The following PRKD1 variants were observed in gnomAD, a reference collection of about 807,000 sequenced individuals.
The protein encoded by PRKD1 is protein kinase D1, also known as serine/threonine-protein kinase D1.
PRKD1 carries 63 observed loss-of-function variants against 95.9 expected under a neutral mutation model. The observed-to-expected ratio is 0.66, with a 90% CI of 0.54 to 0.81. PRKD1 has a LOEUF of 0.81. PRKD1 is among the 30% of genes least tolerant of loss of function. The pLI is 0.00. For synonymous variants in PRKD1, 425 were observed against 423.1 expected, an observed-to-expected ratio of 1.00 and a Z score of -0.05; for missense variants, 1,048 against 1,165.3, an observed-to-expected ratio of 0.90 and a Z score of 1.47.
intron 1 of PRKD1, among the ~76,000 whole-genome samples, chr14:29,859,251 C>A (rs1320854281): frequency 6.6e-6 from 1 of 152,044 alleles, no homozygotes; most frequent in Non-Finnish European, 1.5e-5. Context: ...GCGGGTGGAT[C>A]ACGAGGTCAG....
chr14:29,795,050 G>A lies in PRKD1; in HGVS notation c.265-69376C>T, dbSNP rs188359853. On this transcript the variant is annotated intron_variant, in intron 1 of 17. Coordinates refer to ENST00000331968, the MANE Select transcript of PRKD1 (RefSeq NM_002742.3). ...ATTTTTCCTTTCAAAATTACTTTTC[G>A]TGTTTTCATTTATACCAGCATTTGT... is the stretch of plus-strand genomic sequence containing the variant. Among the ~76,000 whole-genome samples, 57 of 151,882 alleles carry A rather than the reference G, an allele frequency of 3.8e-4. 1 individual carries two copies. Among genetic ancestry groups the A allele is most frequent in the Middle Eastern group, 6.8e-3 (2 of 294 alleles).
At chr14:29,924,574 C>T (rs1032689821) in intron 1 of PRKD1, among the ~76,000 whole-genome samples, 5 of 152,296 alleles carry the variant, frequency 3.3e-5, no homozygotes, top group East Asian at 1.9e-4. Context: ...AACTTCTTAA[C>T]ACATTTAAAA....
chr14:29,633,929 G>A (rs1220949832), intron 8 of PRKD1, among the ~76,000 whole-genome samples: 3 of 152,154 alleles, frequency 2.0e-5, no homozygotes, highest in East Asian at 3.8e-4. Flanking sequence ...TCTCTCTTAC[G>A]TACGTACACA....
At chr14:29,737,254 G>A (rs1239846250) in intron 1 of PRKD1, among the ~76,000 whole-genome samples, 6 of 146,272 alleles carry the variant, frequency 4.1e-5, no homozygotes, top group East Asian at 2.0e-4. Context: ...CCCGGGAAGC[G>A]GAGCTTGCAG....
chr14:29,909,295 C>T (rs1566666602), intron 1 of PRKD1, among the ~76,000 whole-genome samples: 3 of 148,822 alleles, frequency 2.0e-5, no homozygotes, highest in South Asian at 2.2e-4. Context: ...CAACCCCCCC[C>T]GCCCCCCATG....
At chr14:29,781,933 G>C (rs1182644953) in intron 1 of PRKD1, among the ~76,000 whole-genome samples, 1 of 152,176 alleles carries the variant, frequency 6.6e-6, no homozygotes, top group African/African-American at 2.4e-5. Flanking sequence ...CTTCTAAAAA[G>C]TAGCAGTTTT....
At chr14:29,818,665 G>A (rs1260539744) in intron 1 of PRKD1, among the ~76,000 whole-genome samples, 1 of 147,850 alleles carries the variant, frequency 6.8e-6, no homozygotes, top group Non-Finnish European at 1.5e-5. Context: ...CAACTATTTT[G>A]TTTGGTTTCA....
At chr14:29,749,338 A>T (rs1479185514) in intron 1 of PRKD1, among the ~76,000 whole-genome samples, 3 of 152,308 alleles carry the variant, frequency 2.0e-5, no homozygotes, top group African/African-American at 7.2e-5. Flanking sequence ...TGTTACAGAG[A>T]CAGGCAAGAA....
At chr14:29,676,192 T>TTTTTTTTTTTTTGTTTTTTTTTTG (rs1566532348) in intron 2 of PRKD1, among the ~76,000 whole-genome samples, 2 of 128,526 alleles carry the variant, frequency 1.6e-5, no homozygotes, top group African/African-American at 3.1e-5. Flanking sequence ...TGTTTTTTTT[T>TTTTTTTTTTTTTGTTTTTTTTTTG]TTTTTTTTTT....
At chr14:29,870,648 A>G (rs1893071199) in intron 1 of PRKD1, among the ~76,000 whole-genome samples, 1 of 152,178 alleles carries the variant, frequency 6.6e-6, no homozygotes, top group African/African-American at 2.4e-5. Context: ...AAATGTTAAG[A>G]ATTATTTTGA....
chr14:29,586,885 A>C (rs1449336445), intron 16 of PRKD1, among the ~76,000 whole-genome samples: 1 of 152,132 alleles, frequency 6.6e-6, no homozygotes, highest in Non-Finnish European at 1.5e-5. Flanking sequence ...CTGGCCTCCC[A>C]AAGTGCTGGG....
chr14:29,881,862 A>G (rs542698175), intron 1 of PRKD1, among the ~76,000 whole-genome samples: 2 of 152,272 alleles, frequency 1.3e-5, no homozygotes, highest in East Asian at 3.9e-4. Flanking sequence ...CAAAGAAGTT[A>G]TTACTTCTTC....
chr14:29,605,640 T>G (rs1252613966), intron 13 of PRKD1, among the ~76,000 whole-genome samples: 2 of 152,210 alleles, frequency 1.3e-5, no homozygotes, highest in Admixed American at 6.5e-5. Flanking sequence ...TTTGTCTTAT[T>G]TACAAGGCTA....
intron 1 of PRKD1, among the ~76,000 whole-genome samples, chr14:29,880,913 C>A (rs1893488505): frequency 6.6e-6 from 1 of 152,184 alleles, no homozygotes; most frequent in South Asian, 2.1e-4. Flanking sequence ...TTACCCAATA[C>A]CTGTACTCCC....
At chr14:29,898,267 A>T (rs1894201442) in intron 1 of PRKD1, among the ~76,000 whole-genome samples, 1 of 152,174 alleles carries the variant, frequency 6.6e-6, no homozygotes, top group Non-Finnish European at 1.5e-5. Context: ...TATGATAATC[A>T]TCTAAGCTTG....
At chr14:29,634,964 G>A (rs547990509) in intron 7 of PRKD1, among the ~76,000 whole-genome samples, 12 of 151,926 alleles carry the variant, frequency 7.9e-5, no homozygotes, top group Non-Finnish European at 1.8e-4. Flanking sequence ...AACTCGGGAG[G>A]CAGAGGTTGC....
intron 16 of PRKD1, among the ~76,000 whole-genome samples, chr14:29,595,665 T>A (rs972493656): frequency 6.6e-6 from 1 of 152,208 alleles, no homozygotes; most frequent in Non-Finnish European, 1.5e-5. Context: ...TATAGTTACA[T>A]AGCAAGTCAA....
intron 1 of PRKD1, among the ~76,000 whole-genome samples, chr14:29,808,606 G>A (rs1285174589): frequency 6.6e-6 from 1 of 151,226 alleles, no homozygotes; most frequent in East Asian, 2.0e-4. Flanking sequence ...CACCATATTG[G>A]CCAGGCTGAT....
At chr14:29,711,765 G>A (rs755581895) in intron 2 of PRKD1, among the ~76,000 whole-genome samples, 32 of 152,008 alleles carry the variant, frequency 2.1e-4, no homozygotes, top group Non-Finnish European at 3.8e-4. Context: ...TGATGGAGAC[G>A]TACAGTAAAT....
Sources: gnomAD v4.1 joint callset for allele counts (sites outside exome capture counted in the v4.1 genomes callset) on GRCh38, gnomAD v4.1.1 for gene constraint, MANE v1.5 for transcripts, NCBI Gene and HGNC (gene_info 2026-07-23, HGNC 2026-07-21) for gene names.